Variants in SYN3 observed in about 807,000 individuals in gnomAD.
The protein encoded by SYN3 is synapsin-3.
Under a neutral mutation model 65.8 loss-of-function variants are expected in SYN3, and 35 were observed. The ratio of observed to expected loss-of-function variants is 0.53; its 90% CI spans 0.41 to 0.70. The LOEUF is 0.70. SYN3 is among the 30% of genes least tolerant of loss of function. The pLI, the probability that SYN3 is intolerant of heterozygous loss-of-function variation, is 0.00. For missense variants in SYN3, 680 were observed against 749.0 expected (o/e 0.91, Z 1.08); for synonymous variants, 270 against 292.9 (o/e 0.92, Z 0.80).
At chr22:32,737,732 TA>T (rs2061352775) in intron 6 of SYN3, among the ~76,000 whole-genome samples, 1 of 152,182 alleles carries the variant, frequency 6.6e-6, no homozygotes, top group Non-Finnish European at 1.5e-5. Context: ...CGGTATTAAC[TA>T]CCATATCTCC....
Position 32,512,345 on chromosome 22 carries a change from A to G in SYN3, c.*1347T>C, listed in dbSNP as rs990546270. 1.3e-5 allele frequency among the ~76,000 whole-genome samples: 2 copies of G among 152,174 alleles called. No individual in the cohort carries two copies. Among genetic ancestry groups the G allele is most frequent in the Non-Finnish European group, 2.9e-5 (2 of 68,034 alleles). ...TGGGAGGCAAGGGGCTAACATGGCTATGTTCTAATATCTTGGGCTCTCTTT... is the reference window on the plus strand; with the variant it reads ...TGGGAGGCAAGGGGCTAACATGGCTGTGTTCTAATATCTTGGGCTCTCTTT... On this transcript the variant is annotated 3_prime_UTR_variant, in exon 14 of 14. Coordinates refer to ENST00000358763, the MANE Select transcript of SYN3 (RefSeq NM_003490.4).
intron 1 of SYN3, among the ~76,000 whole-genome samples, chr22:33,021,830 T>C (rs2053566240): frequency 6.6e-6 from 1 of 151,550 alleles, no homozygotes; most frequent in Non-Finnish European, 1.5e-5. Flanking sequence ...TTCCCTTTCA[T>C]AGAATGTAAG....
intron 6 of SYN3, among the ~76,000 whole-genome samples, chr22:32,664,701 C>A (rs1392263002): frequency 2.0e-5 from 3 of 147,880 alleles, no homozygotes; most frequent in Non-Finnish European, 4.5e-5. Flanking sequence ...TGCCATTCTC[C>A]TGCCTCAGCC....
intron 7 of SYN3, among the ~76,000 whole-genome samples, chr22:32,572,205 G>A (rs1029798532): frequency 1.0e-5 from 1 of 100,370 alleles, no homozygotes; most frequent in African/African-American, 3.9e-5. Context: ...TTGGCTTAAA[G>A]AGGAGTTACC....
chr22:32,797,361 A>G (rs1227791620), intron 6 of SYN3, among the ~76,000 whole-genome samples: 2 of 152,216 alleles, frequency 1.3e-5, no homozygotes, highest in Non-Finnish European at 2.9e-5. Flanking sequence ...ACAGATGGGT[A>G]AATAATCACA....
chr22:32,944,240 A>G (rs1289359304), intron 3 of SYN3, among the ~76,000 whole-genome samples: 1 of 152,162 alleles, frequency 6.6e-6, no homozygotes, highest in Non-Finnish European at 1.5e-5. Flanking sequence ...AAATTATAAC[A>G]AACTGTCTCT....
intron 4 of SYN3, among the ~76,000 whole-genome samples, chr22:32,905,999 G>A (rs776803673): frequency 2.0e-5 from 3 of 152,124 alleles, no homozygotes; most frequent in Non-Finnish European, 4.4e-5. Context: ...GGAAACTCTG[G>A]TACAAAAATT....
intron 3 of SYN3, chr22:32,947,618 C>T (rs369221711): frequency 1.3e-5 from 2 of 152,094 alleles, no homozygotes; most frequent in East Asian, 1.9e-4. Context: ...GGTGAGGTGT[C>T]GTTTGTAGCT....
chr22:32,975,317 G>A (rs1569370129), intron 3 of SYN3, among the ~76,000 whole-genome samples: 3 of 151,192 alleles, frequency 2.0e-5, no homozygotes, highest in Non-Finnish European at 4.4e-5. Flanking sequence ...AGAGGTGGCA[G>A]TGAGCGGAGA....
chr22:32,947,820 T>C (rs1203256033), intron 3 of SYN3, among the ~76,000 whole-genome samples: 1 of 152,226 alleles, frequency 6.6e-6, no homozygotes, highest in Non-Finnish European at 1.5e-5. Context: ...CACTGCTATA[T>C]AGGTCAGAAG....
At chr22:32,565,832 C>G (rs5754149) in intron 7 of SYN3, among the ~76,000 whole-genome samples, 6,680 of 151,888 alleles carry the variant, frequency 0.044, 326 homozygotes, top group East Asian at 0.24. Flanking sequence ...TTGCCTCAGC[C>G]CCCCCGAGTA....
chr22:32,526,554 C>T (rs1486215104), intron 12 of SYN3, among the ~76,000 whole-genome samples: 4 of 152,152 alleles, frequency 2.6e-5, no homozygotes, highest in Non-Finnish European at 4.4e-5. Context: ...CTCCCTCTAT[C>T]GCCCAGGGTG....
intron 7 of SYN3, among the ~76,000 whole-genome samples, chr22:32,572,276 T>TTCCTTCCTTTCCTTCCTTCCTGCCC (rs1433691912): frequency 1.2e-5 from 1 of 83,530 alleles, no homozygotes; most frequent in African/African-American, 5.2e-5. Flanking sequence ...CCTTCCCCCC[T>TTCCTTCCTTTCCTTCCTTCCTGCCC]CCCTCCCTCC....
intron 6 of SYN3, among the ~76,000 whole-genome samples, chr22:32,850,237 CT>C (rs1285106758): frequency 6.6e-6 from 1 of 151,790 alleles, no homozygotes; most frequent in East Asian, 1.9e-4. Context: ...GAGAACCTGC[CT>C]CCTAGTCTCA....
chr22:32,985,440 G>C (rs1177914872), intron 2 of SYN3, among the ~76,000 whole-genome samples: 1 of 152,186 alleles, frequency 6.6e-6, no homozygotes, highest in Non-Finnish European at 1.5e-5. Flanking sequence ...ATGGGGAAAA[G>C]AGGTGGCCTT....
intron 11 of SYN3, among the ~76,000 whole-genome samples, chr22:32,528,569 C>T (rs1388069290): frequency 2.0e-5 from 3 of 152,314 alleles, no homozygotes; most frequent in East Asian, 1.9e-4. Context: ...GGCCCAGCAC[C>T]GAGGGCACAG....
At chr22:32,937,961 A>G (rs1391581714) in intron 3 of SYN3, among the ~76,000 whole-genome samples, 1 of 152,196 alleles carries the variant, frequency 6.6e-6, no homozygotes, top group Non-Finnish European at 1.5e-5. Context: ...CAGAAAATTT[A>G]AAACAAAATG....
chr22:32,602,458 G>GT (rs1305218518), intron 6 of SYN3, among the ~76,000 whole-genome samples: 5 of 143,092 alleles, frequency 3.5e-5, no homozygotes, highest in African/African-American at 1.5e-4. Context: ...GTTTTGTTTT[G>GT]TTTGTTTGTT....
At chr22:33,056,513 C>T (rs772054392) in intron 1 of SYN3, among the ~76,000 whole-genome samples, 1 of 152,198 alleles carries the variant, frequency 6.6e-6, no homozygotes, top group African/African-American at 2.4e-5. Context: ...GACCAGCCTG[C>T]ACCCACTGGC....
Sources: gnomAD v4.1 joint callset for allele counts (sites outside exome capture counted in the v4.1 genomes callset) on GRCh38, gnomAD v4.1.1 for gene constraint, MANE v1.5 for transcripts, NCBI Gene and HGNC (gene_info 2026-07-23, HGNC 2026-07-21) for gene names.